ASAP2: variants seen among roughly 807,000 people sequenced by gnomAD.
ASAP2 encodes ArfGAP with SH3 domain, ankyrin repeat and PH domain 2, also known as arf-GAP with SH3 domain, ANK repeat and PH domain-containing protein 2.
ASAP2 carries 45 observed loss-of-function variants against 131.4 expected under a neutral mutation model. The ratio of observed to expected loss-of-function variants is 0.34; its 90% confidence interval spans 0.27 to 0.44. The LOEUF is 0.44. Among genes scored for constraint, ASAP2 ranks in the 20% least tolerant of loss-of-function variants. The pLI is 1.00. For synonymous variants in ASAP2, 510 were observed against 503.0 expected, an observed-to-expected ratio of 1.01 and a Z score of -0.19; for missense variants, 1,011 against 1,297.0, an observed-to-expected ratio of 0.78 and a Z score of 3.39.
intron 1 of ASAP2, among the ~76,000 whole-genome samples, chr2:9,234,456 G>A (rs535839733): frequency 3.9e-5 from 6 of 152,142 alleles, no homozygotes; most frequent in East Asian, 3.9e-4. Flanking sequence ...TAATGGCGGC[G>A]CGTGGCCTTG....
At chr2:9,212,172 G>A (rs1661607856) in intron 1 of ASAP2, among the ~76,000 whole-genome samples, 1 of 152,138 alleles carries the variant, frequency 6.6e-6, no homozygotes, top group African/African-American at 2.4e-5. Flanking sequence ...TGGGCTGTGT[G>A]TGAGGTGGCA....
At chr2:9,282,117 G>C (rs2148323999) in intron 2 of ASAP2, among the ~76,000 whole-genome samples, 1 of 152,356 alleles carries the variant, frequency 6.6e-6, no homozygotes, top group South Asian at 2.1e-4. Context: ...CAGTGACAGG[G>C]CTGGGATTTT....
In ASAP2 at chr2:9,388,531, C is replaced by T. The variant is rs573529193; in HGVS notation, c.2368C>T (p.Arg790Trp). The change falls in exon 22 of 28, where the codon CGG (arginine) becomes TGG (tryptophan). Residue 790 changes from arginine to tryptophan, a missense_variant. By Grantham distance (101) the Arg-to-Trp change is moderately radical. Transcript: ENST00000281419. ...CACCAGCGCCCCCCCGCTTCCTCCA[C>T]GGAATGTTGGCAAAGGTATGAAGCT... ...STTSAPPLPP[R>W]NVGKVQTASS... 19 of 1,613,036 alleles carry T rather than the reference C, an allele frequency of 1.2e-5. 1 individual carries two copies. The highest frequency in any genetic ancestry group is 2.2e-5 in the South Asian group (2 of 90,850).
intron 1 of ASAP2, among the ~76,000 whole-genome samples, chr2:9,235,636 G>A (rs960770806): frequency 9.9e-5 from 15 of 152,252 alleles, no homozygotes; most frequent in South Asian, 2.1e-4. Flanking sequence ...CTGTGGTAGC[G>A]TGCGGGAGGC....
intron 12 of ASAP2, among the ~76,000 whole-genome samples, chr2:9,354,610 C>G (rs1672566654): frequency 6.7e-6 from 1 of 149,782 alleles, no homozygotes. Context: ...TGCACCACTC[C>G]ACTCCAACCT....
intron 3 of ASAP2, 103 bp from the exon 4 acceptor site, chr2:9,318,421 G>C (rs1180753738): frequency 8.6e-6 from 7 of 814,924 alleles, no homozygotes; most frequent in Non-Finnish European, 1.5e-5. Context: ...GGTTTTAGGT[G>C]GAGGTGAATC....
chr2:9,388,857 G>A (rs1325574325), intron 22 of ASAP2, among the ~76,000 whole-genome samples: 1 of 152,014 alleles, frequency 6.6e-6, no homozygotes, highest in Non-Finnish European at 1.5e-5. Flanking sequence ...ACTCCTTCAG[G>A]TCTCCCCTCT....
intron 2 of ASAP2, among the ~76,000 whole-genome samples, chr2:9,296,593 G>A (rs943222023): frequency 1.1e-4 from 16 of 152,366 alleles, no homozygotes; most frequent in African/African-American, 2.2e-4. Flanking sequence ...CGACTTCGTC[G>A]AAGATGAATA....
intron 11 of ASAP2, among the ~76,000 whole-genome samples, chr2:9,346,180 C>T (rs1390489170): frequency 4.6e-5 from 7 of 152,028 alleles, no homozygotes; most frequent in African/African-American, 1.2e-4. Context: ...GTAATCCTAG[C>T]GCTTAGGGAG....
chr2:9,361,470 G>C (rs984226223), intron 15 of ASAP2, among the ~76,000 whole-genome samples: 1 of 152,258 alleles, frequency 6.6e-6, no homozygotes, highest in East Asian at 1.9e-4. Context: ...TAGGGTGTCA[G>C]GTGTTAGTAT....
At chr2:9,246,390 G>A (rs1442937473) in intron 1 of ASAP2, among the ~76,000 whole-genome samples, 1 of 151,572 alleles carries the variant, frequency 6.6e-6, no homozygotes, top group African/African-American at 2.4e-5. Context: ...TGGACTCAGT[G>A]ATCCTCCTGC....
intron 1 of ASAP2, among the ~76,000 whole-genome samples, chr2:9,222,260 C>T (rs1259176405): frequency 6.6e-6 from 1 of 152,166 alleles, no homozygotes; most frequent in Non-Finnish European, 1.5e-5. Context: ...TATTTGGCCT[C>T]TGGGCATGTT....
In ASAP2 at chr2:9,327,906, A is replaced by G. The variant is rs373665400; in HGVS notation, c.681A>G (p.Gln227=). 4.6e-5 allele frequency: 73 copies of G among 1,572,294 alleles called. No individual in the cohort carries two copies. Among genetic ancestry groups the G allele is most frequent in the Non-Finnish European group, 5.7e-5 (67 of 1,165,882 alleles). The change falls in exon 7 of 28, where the codon CAA becomes CAG. Residue 227 remains glutamine (Q), a synonymous_variant. Transcript: ENST00000281419. ...LQNLIKYFHA[Q]CNFFQDGLKA... ...ATCTGATCAAATACTTTCATGCCCA[A>G]TGCAAGTAAGTTCTTCTCTGTTATG...
At chr2:9,386,927 G>A (rs952909293) in intron 21 of ASAP2, among the ~76,000 whole-genome samples, 12 of 152,204 alleles carry the variant, frequency 7.9e-5, no homozygotes, top group Non-Finnish European at 1.3e-4. Flanking sequence ...ATGACCGGCC[G>A]AGCGCGGGGG....
intron 15 of ASAP2, among the ~76,000 whole-genome samples, chr2:9,362,398 A>G (rs746275355): frequency 2.0e-5 from 3 of 152,084 alleles, no homozygotes; most frequent in African/African-American, 7.2e-5. Context: ...AAAGGATTTT[A>G]TTTTTTTAAT....
chr2:9,389,556 G>A lies in ASAP2; in HGVS notation c.2383+1010G>A, dbSNP rs1231012769. Among the ~76,000 whole-genome samples, 1 of 152,224 alleles carries A rather than the reference G, an allele frequency of 6.6e-6. No homozygotes were observed. Among genetic ancestry groups the A allele is most frequent in the Non-Finnish European group, 1.5e-5 (1 of 68,044 alleles). ...CAGCTTTGTGCTGCACGTACACTCG[G>A]CTGTGCTGCTGGGCCCATCTTCCCT... is the stretch of plus-strand genomic sequence containing the variant. On this transcript the variant is annotated intron_variant, in intron 22 of 27. Transcript: ENST00000281419. This position sits in a 1 kb window ranked among gnomAD's most constrained non-coding sequence, Gnocchi z 4.7.
chr2:9,264,288 A>C (rs1665790004), intron 1 of ASAP2, among the ~76,000 whole-genome samples: 1 of 152,136 alleles, frequency 6.6e-6, no homozygotes, highest in African/African-American at 2.4e-5. Context: ...GGTATATTTT[A>C]GTATTTGGCC....
intron 19 of ASAP2, among the ~76,000 whole-genome samples, chr2:9,379,831 A>T (rs1290767122): frequency 2.6e-5 from 4 of 152,006 alleles, no homozygotes; most frequent in Non-Finnish European, 4.4e-5. Flanking sequence ...GTCTCCACTA[A>T]AAATACAAAA....
intron 1 of ASAP2, among the ~76,000 whole-genome samples, chr2:9,277,259 A>G (rs907868815): frequency 1.3e-5 from 2 of 152,230 alleles, no homozygotes; most frequent in Non-Finnish European, 2.9e-5. Context: ...CCCTGAGCAC[A>G]ACCTCAGTCT....
Sources: gnomAD v4.1 joint callset for allele counts (sites outside exome capture counted in the v4.1 genomes callset) on GRCh38, gnomAD v4.1.1 for gene constraint, Gnocchi (gnomAD v3.1) non-coding constraint, MANE v1.5 for transcripts, NCBI Gene and HGNC (gene_info 2026-07-23, HGNC 2026-07-21) for gene names.